Variants in AOPEP observed in about 807,000 individuals in gnomAD.
The protein encoded by AOPEP is aminopeptidase O (putative).
Under a neutral mutation model 98.1 loss-of-function variants are expected in AOPEP, and 77 were observed. That is an observed-to-expected ratio of 0.78 (90% CI 0.65 to 0.95). AOPEP has a LOEUF of 0.95. Ranked by LOEUF, AOPEP falls within the 40% of genes least tolerant of loss-of-function variation. The pLI is 0.00. For missense variants in AOPEP, 1,024 were observed against 1,024.7 expected, an observed-to-expected ratio of 1.00 and a Z score of 0.01; for synonymous variants, 346 against 365.3, an observed-to-expected ratio of 0.95 and a Z score of 0.60.
At chr9:94,902,431 C>T (rs981003326) in intron 5 of AOPEP, among the ~76,000 whole-genome samples, 5 of 152,162 alleles carry the variant, frequency 3.3e-5, no homozygotes, top group African/African-American at 1.2e-4. Flanking sequence ...CCCAATACCA[C>T]ACCCCCTCTG....
At chr9:94,778,276 C>T (rs970438150) in intron 3 of AOPEP, among the ~76,000 whole-genome samples, 1 of 152,116 alleles carries the variant, frequency 6.6e-6, no homozygotes, top group African/African-American at 2.4e-5. Flanking sequence ...CACGATCTAG[C>T]AATTTTACTC....
the AOPEP span, among the ~76,000 whole-genome samples, chr9:95,118,944 T>C: frequency 6.6e-6 from 1 of 152,278 alleles, no homozygotes; most frequent in African/African-American, 2.4e-5. Context: ...GGAATGGAAC[T>C]GCTGGGTCAC....
At chr9:94,961,078 T>C (rs1470076856) in intron 9 of AOPEP, among the ~76,000 whole-genome samples, 1 of 151,882 alleles carries the variant, frequency 6.6e-6, no homozygotes, top group African/African-American at 2.4e-5. Flanking sequence ...TGACTGGATA[T>C]AATATTCTTG....
intron 5 of AOPEP, among the ~76,000 whole-genome samples, chr9:94,850,501 C>T (rs2043417559): frequency 6.6e-6 from 1 of 152,174 alleles, no homozygotes; most frequent in South Asian, 2.1e-4. Context: ...TTCCCAGCAA[C>T]CCCGAGTTAG....
chr9:94,936,373 C>T (rs2056278890), intron 7 of AOPEP, among the ~76,000 whole-genome samples: 1 of 152,160 alleles, frequency 6.6e-6, no homozygotes, highest in South Asian at 2.1e-4. Context: ...TGGTAGTCAG[C>T]TCGGGCTGCC....
intron 5 of AOPEP, among the ~76,000 whole-genome samples, chr9:94,881,368 T>C (rs1395073395): frequency 1.3e-5 from 2 of 152,054 alleles, no homozygotes; most frequent in Admixed American, 6.5e-5. Context: ...TCTTTTCCAG[T>C]GTCCTGCTTA....
intron 11 of AOPEP, among the ~76,000 whole-genome samples, chr9:95,000,542 T>C (rs2061496314): frequency 6.6e-6 from 1 of 152,142 alleles, no homozygotes; most frequent in Non-Finnish European, 1.5e-5. Context: ...ACCCTGTCTC[T>C]ACTAAAAGTA....
chr9:95,077,028 TCTC>T (rs942574798), intron 14 of AOPEP, among the ~76,000 whole-genome samples: 10 of 152,132 alleles, frequency 6.6e-5, no homozygotes, highest in Non-Finnish European at 1.3e-4. Context: ...ATCAGGTTCT[TCTC>T]CTGCCACCTT....
rs552811357 is a variant in AOPEP, at chr9:94,727,145, C to G, written c.-136+394C>G. On this transcript the variant is annotated intron_variant, in intron 1 of 16. Coordinates refer to ENST00000375315, the MANE Select transcript of AOPEP (RefSeq NM_001193329.3). ...CAGTCTTAAGTAGGCAGAACAGTTTCGATTCGATTCATTTCCACTTGCAGT... is the reference window on the plus strand; with the variant it reads ...CAGTCTTAAGTAGGCAGAACAGTTTGGATTCGATTCATTTCCACTTGCAGT... 3.3e-5 allele frequency among the ~76,000 whole-genome samples: 5 copies of G among 152,330 alleles called. No individual in the cohort carries two copies. In the South Asian group the frequency reaches 1.0e-3, roughly 32 times the overall value.
At chr9:94,963,145 C>A (rs1342831468) in intron 9 of AOPEP, among the ~76,000 whole-genome samples, 2 of 152,000 alleles carry the variant, frequency 1.3e-5, no homozygotes, top group African/African-American at 4.8e-5. Context: ...TCTTGCCAAT[C>A]CTGTCCTTCC....
intron 5 of AOPEP, among the ~76,000 whole-genome samples, chr9:94,850,510 A>G (rs2043419331): frequency 6.6e-6 from 1 of 152,236 alleles, no homozygotes; most frequent in Admixed American, 6.5e-5. Context: ...ACCCCGAGTT[A>G]GGAACTCGTA....
At chr9:95,149,787 C>T in the AOPEP span, 930 of 1,031,908 alleles carry the variant, frequency 9.0e-4, 2 homozygotes, top group Non-Finnish European at 7.6e-4. Flanking sequence ...CCGGGATACT[C>T]AGTAATTTTT....
intron 11 of AOPEP, among the ~76,000 whole-genome samples, chr9:94,982,395 C>T (rs978348199): frequency 6.6e-6 from 1 of 152,138 alleles, no homozygotes; most frequent in Non-Finnish European, 1.5e-5. Context: ...ATCACCTGCA[C>T]CTGAGAGCAG....
chr9:95,035,507 ATTTTTTT>A (rs542840000), intron 13 of AOPEP, among the ~76,000 whole-genome samples: 28 of 67,960 alleles, frequency 4.1e-4, no homozygotes, highest in East Asian at 1.3e-3. Flanking sequence ...GCTTCAGATA[ATTTTTTT>A]TTTTTTTTTT....
chr9:95,092,314 G>T, the AOPEP span, among the ~76,000 whole-genome samples: 2 of 152,036 alleles, frequency 1.3e-5, no homozygotes, highest in African/African-American at 4.8e-5. Context: ...TCCCACCCCC[G>T]CCTGGGCCCA....
the AOPEP span, among the ~76,000 whole-genome samples, chr9:95,132,478 T>C: frequency 3.7e-4 from 57 of 152,296 alleles, 1 homozygote; most frequent in East Asian, 0.01. Flanking sequence ...CCCGTGCCCA[T>C]GCTGTCAAGG....
chr9:95,089,005 G>A (rs1386744364), downstream of AOPEP, among the ~76,000 whole-genome samples: 1 of 152,228 alleles, frequency 6.6e-6, no homozygotes, highest in East Asian at 1.9e-4. Context: ...GGTGAGGGAG[G>A]GAGGAAGCCG....
intron 9 of AOPEP, among the ~76,000 whole-genome samples, chr9:94,963,141 C>G (rs942710098): frequency 5.3e-5 from 8 of 152,034 alleles, no homozygotes; most frequent in African/African-American, 1.9e-4. Context: ...TTTATCTTGC[C>G]AATCCTGTCC....
At chr9:95,032,322 A>C (rs2061798) in intron 13 of AOPEP, among the ~76,000 whole-genome samples, 138,333 of 152,258 alleles carry the variant, frequency 0.91, 63,446 homozygotes, top group Non-Finnish European at 0.97. Context: ...CTGGGCCAGA[A>C]AGACTGGCAG....
Sources: gnomAD v4.1 joint callset for allele counts (sites outside exome capture counted in the v4.1 genomes callset) on GRCh38, gnomAD v4.1.1 for gene constraint, MANE v1.5 for transcripts, NCBI Gene and HGNC (gene_info 2026-07-23, HGNC 2026-07-21) for gene names.